The following TGFB1 variants were observed in gnomAD, a reference collection of about 807,000 sequenced individuals.
TGFB1 encodes the protein transforming growth factor beta-1 proprotein.
A neutral mutation model predicts 43.8 loss-of-function variants in TGFB1; 19 were observed. The ratio of observed to expected loss-of-function variants is 0.43; its 90% confidence interval spans 0.30 to 0.64. The LOEUF (loss-of-function observed/expected upper bound fraction) is 0.64, where lower values mean the gene tolerates loss of function less well. Among genes scored for constraint, TGFB1 ranks in the 30% least tolerant of loss-of-function variants. TGFB1 has a pLI of 0.11. For missense variants in TGFB1, 445 were observed against 529.8 expected (o/e 0.84, Z 1.57); for synonymous variants, 221 against 236.3 (o/e 0.94, Z 0.60).
At chr19:41,350,386 C>T (rs1232315904) in intron 1 of TGFB1, among the ~76,000 whole-genome samples, 1 of 149,318 alleles carries the variant, frequency 6.7e-6, no homozygotes, top group East Asian at 2.0e-4. Flanking sequence ...CTCATAGCAA[C>T]CTCTGCCTCC....
chr19:41,350,888 TAGGG>T (rs1286925435), intron 1 of TGFB1: 2 of 150,842 alleles, frequency 1.3e-5, no homozygotes, highest in Non-Finnish European at 2.9e-5. Context: ...GGAAGACAGA[TAGGG>T]AGGAAGACAG....
chr19:41,343,980 C>CTTTTTT (rs3061192), intron 3 of TGFB1, among the ~76,000 whole-genome samples: 12 of 98,626 alleles, frequency 1.2e-4, no homozygotes, highest in African/African-American at 2.5e-4. Flanking sequence ...TGCCTGGAAT[C>CTTTTTT]TTTTTTTTTT....
At chr19:41,332,604 AAC>A (rs1414828266) in intron 5 of TGFB1, among the ~76,000 whole-genome samples, 3 of 152,228 alleles carry the variant, frequency 2.0e-5, no homozygotes, top group Non-Finnish European at 1.5e-5. Context: ...CATACAAAAT[AAC>A]ACAGCTCCAT....
At position 41,350,022 on chromosome 19, in the gene TGFB1, C is replaced by T. The variant is rs1047109805; in HGVS notation, c.356-1567G>A. 2.6e-5 allele frequency among the ~76,000 whole-genome samples: 4 copies of T among 151,836 alleles called. No individual in the cohort carries two copies. The South Asian group carries it at 8.3e-4, about 32-fold the overall frequency. On this transcript the variant is annotated intron_variant, in intron 1 of 6. Transcript: ENST00000221930. The stretch of plus-strand genomic sequence containing the variant: ...AAGAGACAGGGTCTCACTCTGTCCC[C>T]CAGACGGAAGTGCAGTAGCACAACC...
Position 41,353,300 on chromosome 19 carries a change from G to C in TGFB1, c.-256C>G. On this transcript the variant is annotated 5_prime_UTR_variant, in exon 1 of 7. Coordinates refer to ENST00000221930, the MANE Select transcript of TGFB1 (RefSeq NM_000660.7). This position sits in a 1 kb window ranked among gnomAD's most constrained non-coding sequence, Gnocchi z 5.9. ...GGGTGGTCTTGAATAGGGGATCTGT[G>C]GCAGGTCGGAGAGAGATCCGTCTCC... 1 of 485,470 alleles carries C rather than the reference G, an allele frequency of 2.1e-6. No homozygotes were observed. Among genetic ancestry groups the C allele is most frequent in the Non-Finnish European group, 3.6e-6 (1 of 276,716 alleles). The allele number at this position is 485,470 out of a possible 1,614,324, so 30.1% of individuals were successfully genotyped here.
chr19:41,340,933 C>T (rs985989183), intron 5 of TGFB1, among the ~76,000 whole-genome samples: 1 of 152,182 alleles, frequency 6.6e-6, no homozygotes, highest in African/African-American at 2.4e-5. Flanking sequence ...ATTCTAGAAC[C>T]TCAACCTGCC....
chr19:41,342,663 C>T lies in TGFB1; in HGVS notation c.635-416G>A, dbSNP rs376999509. On this transcript the variant is annotated intron_variant, in intron 3 of 6. Coordinates refer to ENST00000221930, the MANE Select transcript of TGFB1 (RefSeq NM_000660.7). ...CCAAGTAGCTGGGATAACAGGCATG[C>T]GCCACCACACCCGGCTAATTTTTTG... Among the ~76,000 whole-genome samples the T allele has an allele frequency of 1.8e-3, 268 of 151,974 alleles. 3 individuals carry two copies. Among genetic ancestry groups the T allele is most frequent in the African/African-American group, 6.0e-3 (250 of 41,458 alleles).
intron 5 of TGFB1, among the ~76,000 whole-genome samples, chr19:41,339,546 C>T (rs1186780887): frequency 1.3e-5 from 2 of 148,216 alleles, no homozygotes; most frequent in Admixed American, 6.8e-5. Context: ...AATTTGTGGC[C>T]GGGCGCAGTG....
chr19:41,342,303 G>C, intron 3 of TGFB1, 56 bp from the exon 4 acceptor site: 2 of 1,541,202 alleles, frequency 1.3e-6, no homozygotes, highest in Non-Finnish European at 8.8e-7. Flanking sequence ...CCAGCCCCTG[G>C]AGGAAGAGGA....
chr19:41,338,380 A>G (rs561962147), intron 5 of TGFB1, among the ~76,000 whole-genome samples: 11 of 150,124 alleles, frequency 7.3e-5, no homozygotes, highest in Admixed American at 1.3e-4. Flanking sequence ...TATAATCCCA[A>G]CTACTCAGGA....
At chr19:41,348,798 A>G (rs2038148487) in intron 1 of TGFB1, among the ~76,000 whole-genome samples, 1 of 151,394 alleles carries the variant, frequency 6.6e-6, no homozygotes, top group Admixed American at 6.6e-5. Context: ...TAATTTTTGT[A>G]TTTTTAGTAG....
intron 1 of TGFB1, among the ~76,000 whole-genome samples, chr19:41,351,632 C>A (rs2123114966): frequency 6.6e-6 from 1 of 152,302 alleles, no homozygotes; most frequent in Non-Finnish European, 1.5e-5. Flanking sequence ...CGGGGTCCTC[C>A]TGCCCCTTGG....
Position 41,342,516 on chromosome 19 carries a change from ATT to A in TGFB1, c.635-271_635-270del, listed in dbSNP as rs55835439. Among the ~76,000 whole-genome samples the A allele has an allele frequency of 0.5, 69,664 of 139,702 alleles. 17,584 individuals are homozygous for A. The highest frequency in any genetic ancestry group is 0.59 in the African/African-American group (22,086 of 37,552). The allele number at this position is 139,702 out of a possible 152,430, so 91.6% of individuals were successfully genotyped here. ...AGGCGCGTGCTACCACGCATGGCTAATTTTTTTTTTTTTTTTGAGATGGAGTC... is the reference window on the plus strand; with the variant it reads ...AGGCGCGTGCTACCACGCATGGCTAATTTTTTTTTTTTTTGAGATGGAGTC... On this transcript the variant is annotated intron_variant, in intron 3 of 6. Coordinates refer to ENST00000221930, the MANE Select transcript of TGFB1 (RefSeq NM_000660.7).
At chr19:41,341,327 C>T (rs1446072069) in intron 5 of TGFB1, among the ~76,000 whole-genome samples, 2 of 151,856 alleles carry the variant, frequency 1.3e-5, no homozygotes, top group African/African-American at 4.8e-5. Context: ...ATTAGCTGGG[C>T]GTGGTGGCAC....
intron 2 of TGFB1, 148 bp downstream of exon 2, chr19:41,348,147 C>T (rs2241717): frequency 1.6e-5 from 12 of 734,538 alleles, no homozygotes; most frequent in African/African-American, 3.7e-5. Flanking sequence ...AAAAAAAAAG[C>T]GTTCTAGGAT....
At position 41,352,926 on chromosome 19, in the gene TGFB1, A is replaced by C; in HGVS notation, c.119T>G (p.Leu40Arg). 6.4e-7 allele frequency: 1 copy of C among 1,556,472 alleles called. No homozygotes were observed. Among genetic ancestry groups the C allele is most frequent in the Non-Finnish European group, 8.7e-7 (1 of 1,152,074 alleles). Residue 40 changes from leucine (L) to arginine (R), a missense_variant, in exon 1 of 7, where the codon CTG becomes CGG. Physicochemically the swap from Leu to Arg is moderately radical, Grantham distance 102. This residue lies in a region of TGFB1 where 366 missense variants were observed against 428.8 expected (regional missense o/e 0.85). Transcript: ENST00000221930. ...GGCCTCGATGCGCTTCCGCTTCACC[A>C]GCTCCATGTCGATAGTCTTGCAGGT... ...LSTCKTIDME[L>R]VKRKRIEAIR...
At chr19:41,345,901 CAA>C (rs896920695) in intron 2 of TGFB1, among the ~76,000 whole-genome samples, 2 of 133,922 alleles carry the variant, frequency 1.5e-5, no homozygotes, top group Non-Finnish European at 1.6e-5. Context: ...GACTCTGTCT[CAA>C]AAAAAAAAAA....
intron 5 of TGFB1, among the ~76,000 whole-genome samples, chr19:41,337,813 C>T (rs2038004536): frequency 6.6e-6 from 1 of 152,182 alleles, no homozygotes; most frequent in African/African-American, 2.4e-5. Context: ...TATGATAAGC[C>T]ACTTCCACTC....
At chr19:41,338,382 T>G (rs1235020187) in intron 5 of TGFB1, among the ~76,000 whole-genome samples, 1 of 150,006 alleles carries the variant, frequency 6.7e-6, no homozygotes, top group Non-Finnish European at 1.5e-5. Context: ...TAATCCCAAC[T>G]ACTCAGGAGG....
Sources: gnomAD v4.1 joint callset for allele counts (sites outside exome capture counted in the v4.1 genomes callset) on GRCh38, gnomAD v4.1.1 for gene constraint, gnomAD v4.1.1 regional missense constraint, Gnocchi (gnomAD v3.1) non-coding constraint, MANE v1.5 for transcripts, NCBI Gene and HGNC (gene_info 2026-07-23, HGNC 2026-07-21) for gene names.